DGKB: variants seen among roughly 807,000 people sequenced by gnomAD.
DGKB encodes diacylglycerol kinase beta.
A neutral mutation model predicts 114.3 loss-of-function variants in DGKB; 67 were observed. The observed-to-expected ratio is 0.59, with a 90% CI of 0.48 to 0.72. DGKB has a LOEUF of 0.72. DGKB is among the 30% of genes least tolerant of loss of function. The probability of loss-of-function intolerance (pLI) is 0.00; values close to 1 mark genes in which losing one functional copy is unlikely to be tolerated. For synonymous variants in DGKB, 398 were observed against 323.1 expected, an observed-to-expected ratio of 1.23 and a Z score of -2.49; for missense variants, 907 against 975.2, an observed-to-expected ratio of 0.93 and a Z score of 0.93.
intron 2 of DGKB, among the ~76,000 whole-genome samples, chr7:14,795,274 T>C (rs1424619619): frequency 6.6e-6 from 1 of 152,230 alleles, no homozygotes; most frequent in Non-Finnish European, 1.5e-5. Context: ...GCAAAGGTTC[T>C]GCATTAAATG....
chr7:14,726,247 C>T (rs1237897047), intron 5 of DGKB, among the ~76,000 whole-genome samples: 2 of 152,054 alleles, frequency 1.3e-5, no homozygotes, highest in African/African-American at 4.8e-5. Context: ...TCAAGCGATT[C>T]TCCTGCCTCA....
At chr7:14,283,067 T>G (rs374600616) in intron 23 of DGKB, among the ~76,000 whole-genome samples, 1 of 151,224 alleles carries the variant, frequency 6.6e-6, no homozygotes, top group African/African-American at 2.4e-5. Context: ...AAGAGGAAGT[T>G]AAATTGTCCC....
At chr7:14,168,774 T>C (rs926080970) in intron 25 of DGKB, among the ~76,000 whole-genome samples, 38 of 152,292 alleles carry the variant, frequency 2.5e-4, no homozygotes, top group African/African-American at 8.9e-4. Flanking sequence ...GTTAAGAAGA[T>C]ATCAACAGAG....
intron 1 of DGKB, among the ~76,000 whole-genome samples, chr7:14,945,651 T>C (rs1472951654): frequency 2.0e-5 from 3 of 151,666 alleles, no homozygotes; most frequent in Non-Finnish European, 4.4e-5. Context: ...TCAGAACACA[T>C]GCCACTAAAC....
intron 21 of DGKB, among the ~76,000 whole-genome samples, chr7:14,470,196 C>G (rs539343284): frequency 1.3e-5 from 2 of 151,906 alleles, no homozygotes; most frequent in South Asian, 4.1e-4. Context: ...AGATATGATT[C>G]TCTTCAAAAG....
chr7:14,198,465 C>A (rs766565100), intron 23 of DGKB, among the ~76,000 whole-genome samples: 3 of 151,962 alleles, frequency 2.0e-5, no homozygotes, highest in African/African-American at 7.2e-5. Flanking sequence ...ATCAGTCCCC[C>A]AAACCCCAAC....
Position 14,535,611 on chromosome 7 carries a change from G to A in DGKB, c.1770+38601C>T, listed in dbSNP as rs556800780. ...TATTTTTTAAAATTCATTTGGAGAC[G>A]GAGTCTTGCTCTGTCACCCAGGCTG... On this transcript the variant is annotated intron_variant, in intron 20 of 25. Coordinates refer to ENST00000402815, the MANE Select transcript of DGKB (RefSeq NM_001350709.2). Among the ~76,000 whole-genome samples, 45 of 152,114 alleles carry A rather than the reference G, an allele frequency of 3.0e-4. 1 individual carries two copies. In the South Asian group the frequency reaches 7.7e-3, roughly 26 times the overall value.
At chr7:14,943,500 C>T (rs1785688505) in intron 1 of DGKB, among the ~76,000 whole-genome samples, 1 of 151,862 alleles carries the variant, frequency 6.6e-6, no homozygotes, top group African/African-American at 2.4e-5. Context: ...AAATTGTCCT[C>T]ATTATTTTTA....
At chr7:14,655,299 T>C (rs1238986464) in intron 13 of DGKB, among the ~76,000 whole-genome samples, 1 of 151,682 alleles carries the variant, frequency 6.6e-6, no homozygotes, top group Non-Finnish European at 1.5e-5. Flanking sequence ...TCAGCATCAC[T>C]AATCATCAGG....
intron 2 of DGKB, among the ~76,000 whole-genome samples, chr7:14,802,082 G>C (rs985361692): frequency 5.3e-5 from 8 of 152,014 alleles, no homozygotes; most frequent in Admixed American, 5.3e-4. Flanking sequence ...GTAATATTAC[G>C]ATTGCTGTCC....
chr7:14,502,458 G>C (rs1271123632), intron 20 of DGKB, among the ~76,000 whole-genome samples: 1 of 152,040 alleles, frequency 6.6e-6, no homozygotes, highest in African/African-American at 2.4e-5. Context: ...TAAAATGGCT[G>C]TTTAAAGCCA....
intron 1 of DGKB, among the ~76,000 whole-genome samples, chr7:14,858,501 C>G (rs750564030): frequency 1.3e-5 from 2 of 151,982 alleles, no homozygotes; most frequent in Admixed American, 6.6e-5. Context: ...GTACAGTAAC[C>G]TCCATATTTG....
Position 14,148,859 on chromosome 7 carries a change from G to T in DGKB, c.*272C>A, listed in dbSNP as rs1781766773. On this transcript the variant is annotated 3_prime_UTR_variant, in exon 26 of 26. Transcript: ENST00000402815. ...AGGAAATTGGGGAAGAGTTGGGTGG[G>T]AGATGTAAAAATCTATGGGAATGCA... 1 of 441,216 alleles carries T rather than the reference G, an allele frequency of 2.3e-6. No homozygotes were observed. Among genetic ancestry groups the T allele is most frequent in the Admixed American group, 4.1e-5 (1 of 24,468 alleles). 27.3% of individuals were successfully genotyped at this position (441,216 alleles called of 1,614,324 possible).
chr7:14,378,885 G>A lies in DGKB; in HGVS notation c.1836-33494C>T, dbSNP rs191451189. On this transcript the variant is annotated intron_variant, in intron 21 of 25. Transcript: ENST00000402815. ...ATTTAAAAGGGAAAAAACAATCTAT[G>A]TTTTTGCTCTTGTCCATTATAAATA... Among the ~76,000 whole-genome samples the A allele has an allele frequency of 2.5e-3, 386 of 152,050 alleles. 2 individuals carry two copies. Among genetic ancestry groups the A allele is most frequent in the Non-Finnish European group, 4.6e-3 (316 of 67,970 alleles).
At chr7:14,714,485 G>C (rs1585907803) in intron 6 of DGKB, among the ~76,000 whole-genome samples, 1 of 152,032 alleles carries the variant, frequency 6.6e-6, no homozygotes, top group South Asian at 2.1e-4. Flanking sequence ...TATCAAAGGG[G>C]ATTTTTCACT....
chr7:14,225,836 T>G (rs7783025), intron 23 of DGKB, among the ~76,000 whole-genome samples: 34,579 of 151,850 alleles, frequency 0.23, 4,018 homozygotes, highest in Middle Eastern at 0.34. Flanking sequence ...TTTATGATAA[T>G]AAAATGTGCT....
chr7:14,779,745 C>G (rs562919879), intron 2 of DGKB, among the ~76,000 whole-genome samples: 19 of 152,092 alleles, frequency 1.2e-4, no homozygotes, highest in Non-Finnish European at 2.4e-4. Flanking sequence ...CCAACATACA[C>G]AGAGAGATTC....
chr7:14,643,671 T>C (rs1037466045), intron 13 of DGKB, among the ~76,000 whole-genome samples: 1 of 152,146 alleles, frequency 6.6e-6, no homozygotes, highest in African/African-American at 2.4e-5. Context: ...AGCTGAAGCA[T>C]GTGCACACCA....
chr7:14,960,169 T>C, intron 1 of DGKB, among the ~76,000 whole-genome samples: 1 of 152,220 alleles, frequency 6.6e-6, no homozygotes, highest in East Asian at 1.9e-4. Context: ...TATTTATACA[T>C]TTTGAAGATC....
Sources: allele counts gnomAD v4.1 joint callset (sites outside exome capture counted in the v4.1 genomes callset), GRCh38; gene constraint gnomAD v4.1.1; transcripts MANE v1.5; gene names NCBI Gene and HGNC (gene_info 2026-07-23, HGNC 2026-07-21).